The following FBXW4 variants were observed in gnomAD, a reference collection of about 807,000 sequenced individuals.
FBXW4 encodes F-box and WD repeat domain containing 4.
Under a neutral mutation model 61.8 loss-of-function variants are expected in FBXW4, and 40 were observed. The observed-to-expected ratio is 0.65, with a 90% CI of 0.50 to 0.84. FBXW4 has a LOEUF of 0.84. Among genes scored for constraint, FBXW4 ranks in the 40% least tolerant of loss-of-function variants. The pLI, the probability that FBXW4 is intolerant of heterozygous loss-of-function variation, is 0.00. For synonymous variants in FBXW4, 311 were observed against 313.8 expected (o/e 0.99, Z 0.10); for missense variants, 672 against 753.8 (o/e 0.89, Z 1.27).
At chr10:101,619,586 G>A (rs1203804771) in intron 6 of FBXW4, among the ~76,000 whole-genome samples, 4 of 151,958 alleles carry the variant, frequency 2.6e-5, no homozygotes, top group African/African-American at 2.4e-5. Context: ...GTGAACCCGG[G>A]AGGCGGAGTT....
At chr10:101,618,428 T>A (rs1435263174) in intron 6 of FBXW4, among the ~76,000 whole-genome samples, 1 of 152,114 alleles carries the variant, frequency 6.6e-6, no homozygotes, top group Non-Finnish European at 1.5e-5. Context: ...GGGCATGGGG[T>A]TGGCTTGAGC....
intron 5 of FBXW4, among the ~76,000 whole-genome samples, chr10:101,628,977 T>A (rs1452990032): frequency 1.3e-5 from 2 of 152,192 alleles, no homozygotes; most frequent in Non-Finnish European, 2.9e-5. Flanking sequence ...CAGACTATCA[T>A]CAGGCTCCAG....
intron 5 of FBXW4, chr10:101,659,310 A>G: frequency 2.3e-6 from 2 of 857,892 alleles, no homozygotes; most frequent in Non-Finnish European, 2.8e-6. Flanking sequence ...AGCCATCTTG[A>G]ACCCTGCAGA....
At position 101,611,173 on chromosome 10, in the gene FBXW4, G is replaced by T; in HGVS notation, c.*118C>A. The T allele has an allele frequency of 7.3e-7, 1 of 1,367,304 alleles. No individual in the cohort carries two copies. The highest frequency in any genetic ancestry group is 1.4e-5 in the South Asian group (1 of 71,616). 84.7% of individuals were successfully genotyped at this position (1,367,304 alleles called of 1,614,324 possible). ...TAGTGCAAGGTGCCTGAGCACTGGG[G>T]TCACAGGCCCAGGAGCACAGTGGGG... On this transcript the variant is annotated 3_prime_UTR_variant, in exon 9 of 9. Transcript: ENST00000331272. This position sits in a 1 kb window ranked among gnomAD's most constrained non-coding sequence, Gnocchi z 4.9.
chr10:101,650,833 G>A lies in FBXW4; in HGVS notation c.1235+17053C>T, dbSNP rs536906227. Among the ~76,000 whole-genome samples, 4 of 152,278 alleles carry A rather than the reference G, an allele frequency of 2.6e-5. No individual in the cohort carries two copies. In the South Asian group the frequency reaches 6.2e-4, roughly 24 times the overall value. ...AGGCCCGCATTAAAATCAACACTCC[G>A]TGAACACACAAAACTGACAGGGCAG... On this transcript the variant is annotated intron_variant, in intron 5 of 8. Coordinates refer to ENST00000331272, the MANE Select transcript of FBXW4 (RefSeq NM_022039.4).
At chr10:101,656,514 G>A (rs1388578540) in intron 5 of FBXW4, among the ~76,000 whole-genome samples, 2 of 152,208 alleles carry the variant, frequency 1.3e-5, no homozygotes, top group African/African-American at 4.8e-5. Flanking sequence ...CCTTCAAGAG[G>A]CATGTTCTTT....
At chr10:101,654,886 C>T (rs954840518) in intron 5 of FBXW4, among the ~76,000 whole-genome samples, 8 of 152,358 alleles carry the variant, frequency 5.3e-5, no homozygotes, top group Admixed American at 2.0e-4. Flanking sequence ...TGCAGTGGCA[C>T]GATCTCAGCT....
intron 5 of FBXW4, among the ~76,000 whole-genome samples, chr10:101,628,263 A>C (rs1185126861): frequency 6.6e-6 from 1 of 152,344 alleles, no homozygotes; most frequent in Admixed American, 6.5e-5. Flanking sequence ...TTTTGCCCTC[A>C]GTCCCATCTC....
chr10:101,651,400 A>G (rs927974690), intron 5 of FBXW4, among the ~76,000 whole-genome samples: 1 of 152,072 alleles, frequency 6.6e-6, no homozygotes, highest in Non-Finnish European at 1.5e-5. Flanking sequence ...TTCTCTAGCA[A>G]TTTGGGGGTG....
intron 5 of FBXW4, among the ~76,000 whole-genome samples, chr10:101,659,715 C>A (rs1276898303): frequency 6.6e-6 from 1 of 152,194 alleles, no homozygotes; most frequent in Non-Finnish European, 1.5e-5. Context: ...ATACATAGAT[C>A]TGGGAGAATA....
rs903027789 is a variant in FBXW4 at position 101,635,420 on chromosome 10, C to A, written c.1236-10610G>T. 2.0e-5 allele frequency among the ~76,000 whole-genome samples: 3 copies of A among 151,550 alleles called. No individual in the cohort carries two copies. The South Asian group carries it at 6.2e-4, about 32-fold the overall frequency. Reference sequence around the variant, plus strand: ...ATCATCCCAAACCCTGACTCACCCCCCTCCCACCCCCGAGGCTATGGAAAA... The same window carrying A: ...ATCATCCCAAACCCTGACTCACCCCACTCCCACCCCCGAGGCTATGGAAAA... On this transcript the variant is annotated intron_variant, in intron 5 of 8. Transcript: ENST00000331272.
chr10:101,695,112 C>T lies in FBXW4; in HGVS notation c.-7G>A, dbSNP rs1044344432. 1 of 985,468 alleles carries T rather than the reference C, an allele frequency of 1.0e-6. No homozygotes were observed. The highest frequency in any genetic ancestry group is 1.2e-6 in the Non-Finnish European group (1 of 830,218). The allele number at this position is 985,468 out of a possible 1,614,324, so 61.0% of individuals were successfully genotyped here. On this transcript the variant is annotated 5_prime_UTR_variant, in exon 1 of 9. Coordinates refer to ENST00000331272, the MANE Select transcript of FBXW4 (RefSeq NM_022039.4). The surrounding 1 kb of genome is among the most constrained non-coding windows in gnomAD (Gnocchi z 4.2). ...AGCGGCCCTGGCTGCCCATGAGCGGCCGCGGGGCCGGCCCGACGCGGAGCC... is the reference window on the plus strand; with the variant it reads ...AGCGGCCCTGGCTGCCCATGAGCGGTCGCGGGGCCGGCCCGACGCGGAGCC...
At chr10:101,649,498 A>G (rs1361828931) in intron 5 of FBXW4, among the ~76,000 whole-genome samples, 2 of 152,226 alleles carry the variant, frequency 1.3e-5, no homozygotes, top group African/African-American at 4.8e-5. Flanking sequence ...GAACAGTAAA[A>G]GGAAAAAGGA....
At chr10:101,624,905 G>C in intron 5 of FBXW4, 95 bp from the exon 6 acceptor site, 1 of 1,362,594 alleles carries the variant, frequency 7.3e-7, no homozygotes, top group East Asian at 2.3e-5. Context: ...ATTCCCTAGG[G>C]GATTGTGGGT....
intron 4 of FBXW4, among the ~76,000 whole-genome samples, chr10:101,669,240 A>C (rs1589771727): frequency 6.6e-6 from 1 of 152,276 alleles, no homozygotes; most frequent in Non-Finnish European, 1.5e-5. Context: ...AAACACCACA[A>C]CTTTTCCTGA....
intron 6 of FBXW4, among the ~76,000 whole-genome samples, chr10:101,623,229 G>A (rs1272750594): frequency 3.9e-5 from 6 of 152,064 alleles, no homozygotes; most frequent in Admixed American, 6.6e-5. Context: ...GCCTGGGCAC[G>A]ATGGCAAACC....
At chr10:101,664,610 C>T (rs2064280565) in intron 5 of FBXW4, among the ~76,000 whole-genome samples, 1 of 152,172 alleles carries the variant, frequency 6.6e-6, no homozygotes, top group Admixed American at 6.5e-5. Context: ...TGAGTCCCCA[C>T]CTCAAGAAGA....
chr10:101,649,785 C>G (rs147187407), intron 5 of FBXW4, among the ~76,000 whole-genome samples: 1 of 152,302 alleles, frequency 6.6e-6, no homozygotes, highest in East Asian at 1.9e-4. Flanking sequence ...CTCATCTCAG[C>G]GGCCAGCCTG....
chr10:101,670,102 G>A (rs1024372235), intron 4 of FBXW4, among the ~76,000 whole-genome samples: 3 of 152,112 alleles, frequency 2.0e-5, no homozygotes, highest in East Asian at 1.9e-4. Flanking sequence ...CTGGTGATAC[G>A]CATCACAACT....
Sources: allele counts gnomAD v4.1 joint callset (sites outside exome capture counted in the v4.1 genomes callset), GRCh38; gene constraint gnomAD v4.1.1; non-coding constraint Gnocchi (gnomAD v3.1); transcripts MANE v1.5; gene names NCBI Gene and HGNC (gene_info 2026-07-23, HGNC 2026-07-21).